APPBP2: variants seen among roughly 807,000 people sequenced by gnomAD.
APPBP2 encodes amyloid protein-binding protein 2.
APPBP2 carries 15 observed loss-of-function variants against 76.0 expected under a neutral mutation model. That is an observed-to-expected ratio of 0.20 (90% CI 0.13 to 0.30). APPBP2 has a LOEUF of 0.30. Ranked by LOEUF, APPBP2 falls within the 10% of genes least tolerant of loss-of-function variation. The probability of loss-of-function intolerance (pLI) is 1.00; values close to 1 mark genes in which losing one functional copy is unlikely to be tolerated. For synonymous variants in APPBP2, 222 were observed against 242.2 expected (o/e 0.92, Z 0.77); for missense variants, 401 against 687.2 (o/e 0.58, Z 4.66).
At chr17:60,480,048 A>C (rs116942308) in intron 3 of APPBP2, among the ~76,000 whole-genome samples, 13 of 152,228 alleles carry the variant, frequency 8.5e-5, no homozygotes, top group African/African-American at 2.9e-4. Context: ...ACAGTTATTA[A>C]GGAATAATTT....
At chr17:60,517,669 C>A (rs2090973791) in intron 1 of APPBP2, among the ~76,000 whole-genome samples, 1 of 152,176 alleles carries the variant, frequency 6.6e-6, no homozygotes, top group Non-Finnish European at 1.5e-5. Context: ...TCACTTTTAT[C>A]ATAATACAGG....
chr17:60,497,584 T>C (rs1447280428), intron 2 of APPBP2, among the ~76,000 whole-genome samples: 3 of 152,176 alleles, frequency 2.0e-5, no homozygotes, highest in Non-Finnish European at 4.4e-5. Flanking sequence ...TGCATGCTTG[T>C]ATCAAAGTAT....
At chr17:60,514,025 C>T (rs1598375668) in intron 1 of APPBP2, among the ~76,000 whole-genome samples, 1 of 146,038 alleles carries the variant, frequency 6.8e-6, no homozygotes, top group African/African-American at 2.6e-5. Context: ...AAAAACACAG[C>T]CAGGCATGGT....
At chr17:60,448,151 C>A (rs2143275198) in intron 12 of APPBP2, among the ~76,000 whole-genome samples, 1 of 152,266 alleles carries the variant, frequency 6.6e-6, no homozygotes, top group African/African-American at 2.4e-5. Context: ...CAGAAAAATA[C>A]ACATGCACAG....
At chr17:60,519,670 A>T (rs2090992168) in intron 1 of APPBP2, among the ~76,000 whole-genome samples, 1 of 152,162 alleles carries the variant, frequency 6.6e-6, no homozygotes, top group South Asian at 2.1e-4. Flanking sequence ...CTCTTAAAAA[A>T]GAAAGAAAAA....
chr17:60,487,460 T>C (rs1267299255), intron 3 of APPBP2, among the ~76,000 whole-genome samples: 1 of 152,200 alleles, frequency 6.6e-6, no homozygotes, highest in African/African-American at 2.4e-5. Context: ...CAATCACTGA[T>C]ACCCTTTCTT....
rs1199430563 is a variant in APPBP2 at position 60,446,244 on chromosome 17, C to G, written c.*1337G>C. 2 of 152,640 alleles carry G rather than the reference C, an allele frequency of 1.3e-5. No homozygotes were observed. The highest frequency in any genetic ancestry group is 3.9e-4 in the East Asian group (2 of 5,188). 9.5% of individuals were successfully genotyped at this position (152,640 alleles called of 1,614,324 possible). On this transcript the variant is annotated 3_prime_UTR_variant, in exon 13 of 13. Coordinates refer to ENST00000083182, the MANE Select transcript of APPBP2 (RefSeq NM_006380.5). Reference sequence around the variant, plus strand: ...AAGAATTGAGGTAACAGCAAAATACCTTTTTGTTTCTTGAATTGCTACATG... The same window carrying G: ...AAGAATTGAGGTAACAGCAAAATACGTTTTTGTTTCTTGAATTGCTACATG...
intron 5 of APPBP2, 44 bp downstream of exon 5, chr17:60,466,247 T>G (rs755291685): frequency 6.5e-7 from 1 of 1,545,038 alleles, no homozygotes; most frequent in African/African-American, 1.4e-5. Context: ...TCTGTTTTTA[T>G]AGGTACTTAT....
intron 1 of APPBP2, among the ~76,000 whole-genome samples, chr17:60,511,511 G>C (rs961499043): frequency 6.6e-6 from 1 of 151,012 alleles, no homozygotes; most frequent in South Asian, 2.1e-4. Context: ...CTTGAACTCG[G>C]AAGGCAGAGG....
chr17:60,491,907 G>C (rs987822821), intron 3 of APPBP2, among the ~76,000 whole-genome samples: 1 of 152,208 alleles, frequency 6.6e-6, no homozygotes, highest in East Asian at 1.9e-4. Flanking sequence ...CAAGACAATG[G>C]AGAAAATGTC....
Position 60,466,383 on chromosome 17 carries a change from C to T in APPBP2, c.580G>A (p.Asp194Asn), listed in dbSNP as rs2090511389. Residue 194 changes from aspartate (D) to asparagine (N), a missense_variant, in exon 5 of 13, where the codon GAT becomes AAT. Physicochemically the swap from Asp to Asn is conservative, Grantham distance 23. Coordinates refer to ENST00000083182, the MANE Select transcript of APPBP2 (RefSeq NM_006380.5). The stretch of plus-strand genomic sequence containing the variant: ...TGCTGGCCATGTTTTGATAGTTTAT[C>T]CATATATGTCTGAGCTAATTTAAAT... ...ETFKLAQTYM[D>N]KLSKHGQQAN... is the part of the protein sequence containing the mutation. 1.2e-6 allele frequency: 2 copies of T among 1,613,900 alleles called. No homozygotes were observed. The highest frequency in any genetic ancestry group is 1.7e-6 in the Non-Finnish European group (2 of 1,179,976).
At chr17:60,511,582 G>GCAA (rs2090913886) in intron 1 of APPBP2, among the ~76,000 whole-genome samples, 2 of 116,696 alleles carry the variant, frequency 1.7e-5, no homozygotes, top group African/African-American at 5.7e-5. Context: ...AGACTCCATT[G>GCAA]AAAAAAAAAA....
intron 3 of APPBP2, among the ~76,000 whole-genome samples, chr17:60,479,948 G>C (rs1237990830): frequency 6.6e-6 from 1 of 152,094 alleles, no homozygotes; most frequent in Non-Finnish European, 1.5e-5. Context: ...TTGAGTCACA[G>C]AAAAACCAAA....
At position 60,447,514 on chromosome 17, in the gene APPBP2, G is replaced by A. The variant is rs1438167929; in HGVS notation, c.*67C>T. The A allele has an allele frequency of 2.6e-6, 4 of 1,523,498 alleles. No individual in the cohort carries two copies. The East Asian group carries it at 6.8e-5, about 26-fold the overall frequency. 94.4% of individuals were successfully genotyped at this position (1,523,498 alleles called of 1,614,324 possible). On this transcript the variant is annotated 3_prime_UTR_variant, in exon 13 of 13. Coordinates refer to ENST00000083182, the MANE Select transcript of APPBP2 (RefSeq NM_006380.5). ...AATTCCAGCCCCCCAAAACAACATG[G>A]TTTTGATTTCACAGTATGAATTCCC...
intron 4 of APPBP2, chr17:60,468,648 A>T (rs1019949871): frequency 1.3e-5 from 2 of 148,178 alleles, no homozygotes; most frequent in Non-Finnish European, 1.5e-5. Flanking sequence ...ACATATGGAG[A>T]CTCTTTAGGT....
At chr17:60,525,600 C>G (rs2091046711) in intron 1 of APPBP2, among the ~76,000 whole-genome samples, 194 bp downstream of exon 1, 1 of 152,146 alleles carries the variant, frequency 6.6e-6, no homozygotes, top group African/African-American at 2.4e-5. Context: ...ACTTCAAGGC[C>G]CCAAAGCTTA....
At chr17:60,484,209 G>A (rs756976701) in intron 3 of APPBP2, among the ~76,000 whole-genome samples, 8 of 152,126 alleles carry the variant, frequency 5.3e-5, no homozygotes, top group African/African-American at 1.2e-4. Flanking sequence ...TTGGCAATGC[G>A]GGCTCTTTTT....
At chr17:60,510,373 A>C (rs1390519264) in intron 1 of APPBP2, among the ~76,000 whole-genome samples, 2 of 152,140 alleles carry the variant, frequency 1.3e-5, no homozygotes, top group African/African-American at 4.8e-5. Flanking sequence ...ACTGGACTCC[A>C]GCCTGGACAA....
intron 1 of APPBP2, among the ~76,000 whole-genome samples, chr17:60,504,137 C>G (rs774634928): frequency 6.6e-6 from 1 of 151,520 alleles, no homozygotes; most frequent in Non-Finnish European, 1.5e-5. Context: ...ATTTTTAAAA[C>G]TTATTTTAGT....
Sources: gnomAD v4.1 joint callset for allele counts (sites outside exome capture counted in the v4.1 genomes callset) on GRCh38, gnomAD v4.1.1 for gene constraint, MANE v1.5 for transcripts, NCBI Gene and HGNC (gene_info 2026-07-23, HGNC 2026-07-21) for gene names.